Variants in PUS7 observed in about 807,000 individuals in gnomAD.
The protein encoded by PUS7 is pseudouridine synthase 7.
PUS7 carries 48 observed loss-of-function variants against 79.8 expected under a neutral mutation model. The ratio of observed to expected loss-of-function variants is 0.60; its 90% CI spans 0.48 to 0.76. The LOEUF (loss-of-function observed/expected upper bound fraction) is 0.76, where lower values mean the gene tolerates loss of function less well. PUS7 is among the 30% of genes least tolerant of loss of function. The probability of loss-of-function intolerance (pLI) is 0.00; values close to 1 mark genes in which losing one functional copy is unlikely to be tolerated. For missense variants in PUS7, 729 were observed against 797.6 expected, an observed-to-expected ratio of 0.91 and a Z score of 1.04; for synonymous variants, 286 against 272.2, an observed-to-expected ratio of 1.05 and a Z score of -0.50.
At position 105,470,807 on chromosome 7, in the gene PUS7, T is replaced by C; in HGVS notation, c.1279A>G (p.Lys427Glu). 2 of 1,609,572 alleles carry C rather than the reference T, an allele frequency of 1.2e-6. No homozygotes were observed. The highest frequency in any genetic ancestry group is 1.7e-6 in the Non-Finnish European group (2 of 1,176,486). ...AGGGCAGCAGTTGGGTCTTTGGTCT[T>C]TGCCCATTCTTCTCTGCATTTAACC... ...YLVKCREEWAKTKDPTAALRK... is the reference protein window; with the variant it reads ...YLVKCREEWAETKDPTAALRK... The change falls in exon 11 of 16, where the codon AAG becomes GAG. Residue 427 changes from lysine to glutamate, a missense_variant. Physicochemically the swap from Lys to Glu is moderately conservative, Grantham distance 56 (BLOSUM62 1). Coordinates refer to ENST00000469408, the MANE Select transcript of PUS7 (RefSeq NM_019042.5).
chr7:105,468,312 G>C, intron 12 of PUS7, 25 bp downstream of exon 12: 1 of 1,605,120 alleles, frequency 6.2e-7, no homozygotes, highest in Non-Finnish European at 8.5e-7. Context: ...GCTTAGCTGA[G>C]TAACAAAGAC....
At chr7:105,477,056 G>A (rs938376129) in intron 9 of PUS7, among the ~76,000 whole-genome samples, 4 of 152,074 alleles carry the variant, frequency 2.6e-5, no homozygotes, top group African/African-American at 9.7e-5. Flanking sequence ...AGCATCCTTT[G>A]ATGCACGTTT....
chr7:105,465,732 C>G (rs1823615183), intron 12 of PUS7, among the ~76,000 whole-genome samples: 1 of 152,116 alleles, frequency 6.6e-6, no homozygotes, highest in South Asian at 2.1e-4. Context: ...ACTCGGGAGG[C>G]TGAGGCAGGA....
intron 1 of PUS7, among the ~76,000 whole-genome samples, chr7:105,509,451 C>T (rs11772469): frequency 0.2 from 29,971 of 151,768 alleles, 3,685 homozygotes; most frequent in Non-Finnish European, 0.28. Context: ...AGTTTTAGCT[C>T]TAAGGATATT....
chr7:105,516,749 C>CTGTATATAATTTTTAAATTCCAGTG (rs1825911307), intron 1 of PUS7, among the ~76,000 whole-genome samples: 1 of 152,048 alleles, frequency 6.6e-6, no homozygotes, highest in Non-Finnish European at 1.5e-5. Flanking sequence ...GCCAGTGCGC[C>CTGTATATAATTTTTAAATTCCAGTG]CGGACTGGAA....
chr7:105,470,922 A>G, intron 10 of PUS7, 74 bp from the exon 11 acceptor site: 1 of 1,413,428 alleles, frequency 7.1e-7, no homozygotes, highest in Non-Finnish European at 9.4e-7. Flanking sequence ...TACACTTCAC[A>G]GAGAACACAA....
intron 5 of PUS7, among the ~76,000 whole-genome samples, chr7:105,497,882 T>C (rs1306474429): frequency 8.5e-5 from 13 of 152,224 alleles, no homozygotes; most frequent in Admixed American, 8.5e-4. Flanking sequence ...TTTCCTCTAT[T>C]TGACTGCAAG....
At chr7:105,487,024 G>T (rs1341023642) in intron 7 of PUS7, among the ~76,000 whole-genome samples, 1 of 151,786 alleles carries the variant, frequency 6.6e-6, no homozygotes, top group Non-Finnish European at 1.5e-5. Context: ...TGTGCCACTT[G>T]TACTCCAGCC....
rs1823211308 is a variant in PUS7 at position 105,456,921 on chromosome 7, A to T, written c.*869T>A. ...CCGGCCAGCACAGCTCATGCCTGTA[A>T]TCCCAGGAGTTAGCCTCGGCAACAT... is the stretch of plus-strand genomic sequence containing the variant. On this transcript the variant is annotated 3_prime_UTR_variant, in exon 16 of 16. Coordinates refer to ENST00000469408, the MANE Select transcript of PUS7 (RefSeq NM_019042.5). 1.3e-5 allele frequency: 2 copies of T among 152,276 alleles called. No homozygotes were observed. The highest frequency in any genetic ancestry group is 4.1e-4 in the South Asian group (2 of 4,830). The allele number at this position is 152,276 out of a possible 1,614,324, so 9.4% of individuals were successfully genotyped here. A position where few individuals can be genotyped will look rare whatever the true frequency, so the allele number is the denominator to read the frequency against.
intron 1 of PUS7, among the ~76,000 whole-genome samples, chr7:105,509,053 A>G (rs140961092): frequency 0.13 from 19,962 of 148,062 alleles, 1,740 homozygotes; most frequent in South Asian, 0.26. Flanking sequence ...GCGTGGTGGT[A>G]GGCGCCTGTA....
chr7:105,472,293 C>A, intron 9 of PUS7, 100 bp from the exon 10 acceptor site: 1 of 705,766 alleles, frequency 1.4e-6, no homozygotes, highest in Non-Finnish European at 2.4e-6. Context: ...AACTATACAC[C>A]GAAGCCTTGA....
intron 5 of PUS7, among the ~76,000 whole-genome samples, chr7:105,501,966 AAAAATAT>A (rs1380918255): frequency 0.052 from 5,794 of 111,984 alleles, 153 homozygotes; most frequent in South Asian, 0.13. Context: ...AAAAAAAAAA[AAAAATAT>A]ATATATATAT....
chr7:105,510,861 T>C (rs1341143713), intron 1 of PUS7, among the ~76,000 whole-genome samples: 3 of 152,070 alleles, frequency 2.0e-5, no homozygotes, highest in Non-Finnish European at 4.4e-5. Flanking sequence ...TTTTCTATGT[T>C]AATTACATAC....
chr7:105,520,288 C>T (rs1039501387), intron 1 of PUS7, among the ~76,000 whole-genome samples: 9 of 151,318 alleles, frequency 5.9e-5, no homozygotes, highest in Non-Finnish European at 1.3e-4. Flanking sequence ...TGAAACCCCG[C>T]CTCTACTAAA....
chr7:105,492,597 C>T (rs1324460617), intron 6 of PUS7, among the ~76,000 whole-genome samples: 2 of 149,446 alleles, frequency 1.3e-5, no homozygotes, highest in Non-Finnish European at 3.0e-5. Context: ...GCTCCGCCTC[C>T]CGGGTTCACG....
intron 6 of PUS7, among the ~76,000 whole-genome samples, chr7:105,493,659 C>A (rs1824887819): frequency 6.6e-6 from 1 of 152,080 alleles, no homozygotes; most frequent in Non-Finnish European, 1.5e-5. Context: ...GGGCACTAAT[C>A]CAATCTGACT....
chr7:105,516,361 T>C (rs934367489), intron 1 of PUS7, among the ~76,000 whole-genome samples: 2 of 152,218 alleles, frequency 1.3e-5, no homozygotes, highest in African/African-American at 4.8e-5. Flanking sequence ...AGAAGAACTG[T>C]TCAGAGCTCT....
At chr7:105,501,413 A>G (rs1403752330) in intron 5 of PUS7, among the ~76,000 whole-genome samples, 1 of 152,142 alleles carries the variant, frequency 6.6e-6, no homozygotes, top group Non-Finnish European at 1.5e-5. Context: ...AAAATTACCT[A>G]ATTTTCCTGA....
At chr7:105,458,403 G>T (rs868838464) in intron 15 of PUS7, among the ~76,000 whole-genome samples, 1 of 151,368 alleles carries the variant, frequency 6.6e-6, no homozygotes, top group Admixed American at 6.6e-5. Flanking sequence ...TGGGATTACA[G>T]GTGCCCACCA....
Sources: gnomAD v4.1 joint callset for allele counts (sites outside exome capture counted in the v4.1 genomes callset) on GRCh38, gnomAD v4.1.1 for gene constraint, MANE v1.5 for transcripts, NCBI Gene and HGNC (gene_info 2026-07-23, HGNC 2026-07-21) for gene names.